ATP2B1: variants seen among roughly 807,000 people sequenced by gnomAD.
The protein encoded by ATP2B1 is plasma membrane calcium-transporting ATPase 1.
A neutral mutation model predicts 124.2 loss-of-function variants in ATP2B1; 14 were observed. That is an observed-to-expected ratio of 0.11 (90% CI 0.07 to 0.18). ATP2B1 has a LOEUF of 0.18. Among genes scored for constraint, ATP2B1 ranks in the 10% least tolerant of loss-of-function variants. ATP2B1 has a pLI of 1.00. For synonymous variants in ATP2B1, 449 were observed against 492.4 expected, an observed-to-expected ratio of 0.91 and a Z score of 1.17; for missense variants, 763 against 1,466.1, an observed-to-expected ratio of 0.52 and a Z score of 7.83.
At chr12:89,683,032 A>G (rs1010139483) in intron 1 of ATP2B1, among the ~76,000 whole-genome samples, 1 of 152,228 alleles carries the variant, frequency 6.6e-6, no homozygotes, top group Non-Finnish European at 1.5e-5. Flanking sequence ...GCCATAGACA[A>G]TTCACCAAAA....
chr12:89,655,067 C>A (rs892163701), intron 2 of ATP2B1, among the ~76,000 whole-genome samples: 9 of 152,114 alleles, frequency 5.9e-5, no homozygotes, highest in African/African-American at 2.2e-4. Flanking sequence ...AAAGGAAAAC[C>A]TGCCACAAAT....
intron 3 of ATP2B1, among the ~76,000 whole-genome samples, 186 bp from the exon 4 acceptor site, chr12:89,635,437 T>C (rs919770941): frequency 4.6e-5 from 7 of 152,204 alleles, no homozygotes; most frequent in Non-Finnish European, 1.0e-4. Flanking sequence ...CCTGCTTCTG[T>C]AATTCTTAAT....
chr12:89,697,412 G>C lies in ATP2B1; in HGVS notation c.-222+11184C>G, dbSNP rs370493697. Among the ~76,000 whole-genome samples the C allele has an allele frequency of 2.6e-5, 4 of 152,230 alleles. No homozygotes were observed. The South Asian group carries it at 8.3e-4, about 32-fold the overall frequency. ...GAAGGGGACTCTTGAGTTATCCATA[G>C]ACTGTCTTCACTAAAGAAATGTTCC... On this transcript the variant is annotated intron_variant, in intron 1 of 20. Coordinates refer to ENST00000428670, the MANE Select transcript of ATP2B1 (RefSeq NM_001366521.1).
chr12:89,588,542 CTTT>C lies in ATP2B1; in HGVS notation c.*2439_*2441del, dbSNP rs1873025617. 1.3e-5 allele frequency: 2 copies of C among 152,610 alleles called. No homozygotes were observed. Among genetic ancestry groups the C allele is most frequent in the Non-Finnish European group, 2.9e-5 (2 of 68,004 alleles). The allele number at this position is 152,610 out of a possible 1,614,324, so 9.5% of individuals were successfully genotyped here. A position where few individuals can be genotyped will look rare whatever the true frequency, so the allele number is the denominator to read the frequency against. ...CATACTATATAATGGGATCCAAGAT[CTTT>C]AACAGCTTGCTTGCATTTTTTTCTA... is the stretch of plus-strand genomic sequence containing the variant. On this transcript the variant is annotated 3_prime_UTR_variant, in exon 21 of 21. Coordinates refer to ENST00000428670, the MANE Select transcript of ATP2B1 (RefSeq NM_001366521.1).
intron 1 of ATP2B1, among the ~76,000 whole-genome samples, chr12:89,665,076 G>A (rs1008011640): frequency 1.2e-4 from 19 of 152,094 alleles, no homozygotes; most frequent in South Asian, 2.1e-4. Flanking sequence ...TGATCTGCCC[G>A]CCTCGGCCTC....
chr12:89,698,653 T>C (rs754185559), intron 1 of ATP2B1, among the ~76,000 whole-genome samples: 3 of 150,274 alleles, frequency 2.0e-5, no homozygotes, highest in African/African-American at 2.4e-5. Flanking sequence ...TATAACAAAT[T>C]TGTTTATGAG....
intron 12 of ATP2B1, among the ~76,000 whole-genome samples, chr12:89,615,458 C>T (rs1878794780): frequency 6.6e-6 from 1 of 152,156 alleles, no homozygotes; most frequent in African/African-American, 2.4e-5. Context: ...ATCTATCATT[C>T]TACCTACTTA....
chr12:89,679,164 G>C (rs974006248), intron 1 of ATP2B1, among the ~76,000 whole-genome samples: 3 of 152,060 alleles, frequency 2.0e-5, no homozygotes, highest in African/African-American at 7.2e-5. Context: ...CTAAGGCAGA[G>C]GTTGGCCAAA....
chr12:89,642,083 A>T, intron 3 of ATP2B1, 75 bp downstream of exon 3: 1 of 1,379,404 alleles, frequency 7.2e-7, no homozygotes, highest in Non-Finnish European at 1.0e-6. Context: ...CTGGCCAGCT[A>T]TTATTATTGT....
At chr12:89,621,149 A>G (rs1421652297) in intron 10 of ATP2B1, among the ~76,000 whole-genome samples, 22 of 152,114 alleles carry the variant, frequency 1.4e-4, no homozygotes, top group Admixed American at 1.3e-3. Flanking sequence ...AACAGAACAC[A>G]TGGCAACCAT....
At chr12:89,703,049 G>A (rs898709760) in intron 1 of ATP2B1, among the ~76,000 whole-genome samples, 14 of 152,164 alleles carry the variant, frequency 9.2e-5, no homozygotes, top group African/African-American at 3.4e-4. Flanking sequence ...ACCTTAAGGT[G>A]TAGCCAACAA....
intron 1 of ATP2B1, among the ~76,000 whole-genome samples, chr12:89,671,943 C>A (rs1888047286): frequency 6.6e-6 from 1 of 152,098 alleles, no homozygotes; most frequent in Non-Finnish European, 1.5e-5. Flanking sequence ...GAAATGCAAT[C>A]TCTATCCTGA....
At chr12:89,608,847 G>A (rs949248973) in intron 15 of ATP2B1, among the ~76,000 whole-genome samples, 4 of 152,140 alleles carry the variant, frequency 2.6e-5, no homozygotes, top group African/African-American at 9.7e-5. Flanking sequence ...TTATTCCATA[G>A]ACCTCTTCAG....
rs1376044068 is a variant in ATP2B1 at position 89,588,213 on chromosome 12, T to C, written c.*2771A>G. 6.6e-6 allele frequency: 1 copy of C among 152,504 alleles called. No homozygotes were observed. Among genetic ancestry groups the C allele is most frequent in the East Asian group, 1.9e-4 (1 of 5,188 alleles). 9.4% of individuals were successfully genotyped at this position (152,504 alleles called of 1,614,324 possible). On this transcript the variant is annotated 3_prime_UTR_variant, in exon 21 of 21. Transcript: ENST00000428670. ...GTTGGCTTACACGTGTAAAAAGAAA[T>C]TTTCAAAGAGCAATTTCACAGAAAT...
chr12:89,688,661 G>C (rs746940503), intron 1 of ATP2B1, among the ~76,000 whole-genome samples: 1 of 152,026 alleles, frequency 6.6e-6, no homozygotes, highest in Non-Finnish European at 1.5e-5. Context: ...TCACGGTTTA[G>C]GAAAGCTAAA....
chr12:89,618,007 A>C (rs920544967), intron 11 of ATP2B1, among the ~76,000 whole-genome samples: 3 of 151,856 alleles, frequency 2.0e-5, no homozygotes, highest in African/African-American at 4.8e-5. Flanking sequence ...TCCTGCTACT[A>C]CTTTCTTCTG....
In ATP2B1 at chr12:89,591,037, C is replaced by A; in HGVS notation, c.3610G>T (p.Ala1204Ser). 1.2e-6 allele frequency: 2 copies of A among 1,613,098 alleles called. No homozygotes were observed. Among genetic ancestry groups the A allele is most frequent in the Non-Finnish European group, 1.7e-6 (2 of 1,179,300 alleles). ...GGGCTTCCTGGGGATGAAGAGGTAG[C>A]AGACTTGTTCATTTCTATTGTAAGG... The part of the protein sequence containing the change: ...IHLTIEMNKS[A>S]TSSSPGSPLH... Residue 1204 changes from alanine to serine, a missense_variant, in exon 21 of 21, where the codon GCT (alanine) becomes TCT (serine). Around this residue, in one of 7 missense-constraint regions of ATP2B1, gnomAD observed 97 missense variants for 94.7 expected, o/e 1.02. Coordinates refer to ENST00000428670, the MANE Select transcript of ATP2B1 (RefSeq NM_001366521.1).
rs1182367749 is a variant in ATP2B1, at chr12:89,616,796, C to T, written c.2067+6G>A. Reference sequence around the variant, plus strand: ...TGCACATGCAGAACACAGAATGTTTCACCACCTCAGGTCTCACAGGATCTT... The same window carrying T: ...TGCACATGCAGAACACAGAATGTTTTACCACCTCAGGTCTCACAGGATCTT... On this transcript the variant is annotated splice_donor_region_variant and intron_variant, in intron 12 of 20. Coordinates refer to ENST00000428670, the MANE Select transcript of ATP2B1 (RefSeq NM_001366521.1). The T allele has an allele frequency of 1.9e-6, 3 of 1,609,872 alleles. No homozygotes were observed. The South Asian group carries it at 3.3e-5, about 18-fold the overall frequency.
chr12:89,670,791 T>C (rs1887866787), intron 1 of ATP2B1, among the ~76,000 whole-genome samples: 1 of 152,068 alleles, frequency 6.6e-6, no homozygotes, highest in African/African-American at 2.4e-5. Flanking sequence ...GTTAAGGAAG[T>C]ACAAGTAATC....
Sources: gnomAD v4.1 joint callset for allele counts (sites outside exome capture counted in the v4.1 genomes callset) on GRCh38, gnomAD v4.1.1 for gene constraint, gnomAD v4.1.1 regional missense constraint, MANE v1.5 for transcripts, NCBI Gene and HGNC (gene_info 2026-07-23, HGNC 2026-07-21) for gene names.